Variants in ABCA4 observed in about 807,000 individuals in gnomAD.
ABCA4 encodes retinal-specific phospholipid-transporting ATPase ABCA4.
ABCA4 carries 196 observed loss-of-function variants against 263.7 expected under a neutral mutation model. The observed-to-expected ratio is 0.74, with a 90% CI of 0.66 to 0.84. ABCA4 has a LOEUF of 0.84. Ranked by LOEUF, ABCA4 falls within the 40% of genes least tolerant of loss-of-function variation. The probability of loss-of-function intolerance (pLI) is 0.00; values close to 1 mark genes in which losing one functional copy is unlikely to be tolerated. For missense variants in ABCA4, 2,792 were observed against 2,855.1 expected (o/e 0.98, Z 0.50); for synonymous variants, 1,133 against 1,094.2 (o/e 1.04, Z -0.70).
chr1:94,095,933 A>G (rs4147822), intron 6 of ABCA4, among the ~76,000 whole-genome samples: 78,759 of 151,434 alleles, frequency 0.52, 20,788 homozygotes, highest in South Asian at 0.7. Flanking sequence ...ACTGAGGCCG[A>G]CTACGGCAGA....
Position 94,015,829 on chromosome 1 carries a change from A to G in ABCA4, c.5222T>C (p.Leu1741Pro). The G allele has an allele frequency of 6.2e-7, 1 of 1,613,986 alleles. No individual in the cohort carries two copies. The highest frequency in any genetic ancestry group is 8.5e-7 in the Non-Finnish European group (1 of 1,179,958). Reference sequence around the variant, plus strand: ...AAACCCGATGAAGATGCCCACCACCAGCCCAGCACTCACGGAATAATTCAT... The same window carrying G: ...AAACCCGATGAAGATGCCCACCACCGGCCCAGCACTCACGGAATAATTCAT... ...DIMNYSVSAG[L>P]VVGIFIGFQK... Residue 1741 changes from leucine (L) to proline (P), a missense_variant, in exon 37 of 50, where the codon CTG (leucine) becomes CCG (proline). Coordinates refer to ENST00000370225, the MANE Select transcript of ABCA4 (RefSeq NM_000350.3).
rs757944764 is a variant in ABCA4, at chr1:94,083,451, A to G, written c.769-10T>C. The stretch of plus-strand genomic sequence containing the variant: ...CTAGGAGTGTGGGAAGCTGTAATTG[A>G]CAGTAAAACAATTTTTTAAATATAT... On this transcript the variant is annotated splice_polypyrimidine_tract_variant and intron_variant, in intron 6 of 49. Transcript: ENST00000370225. The G allele has an allele frequency of 1.3e-6, 2 of 1,599,324 alleles. No homozygotes were observed. The highest frequency in any genetic ancestry group is 2.2e-5 in the South Asian group (2 of 90,700).
At chr1:94,091,048 G>A (rs1401033202) in intron 6 of ABCA4, among the ~76,000 whole-genome samples, 1 of 152,194 alleles carries the variant, frequency 6.6e-6, no homozygotes, top group Non-Finnish European at 1.5e-5. Flanking sequence ...AGAAAGGAAC[G>A]TGAAGAGAGT....
At chr1:94,054,370 AAAGT>A (rs1272610939) in intron 16 of ABCA4, among the ~76,000 whole-genome samples, 1 of 152,222 alleles carries the variant, frequency 6.6e-6, no homozygotes, top group African/African-American at 2.4e-5. Flanking sequence ...TCCCCAAAAT[AAAGT>A]AGGGTAAGGG....
Position 94,046,962 on chromosome 1 carries a change from T to C in ABCA4, c.2875A>G (p.Thr959Ala), listed in dbSNP as rs368846708. The C allele has an allele frequency of 9.9e-6, 16 of 1,613,992 alleles. No individual in the cohort carries two copies. The highest frequency in any genetic ancestry group is 1.4e-5 in the Non-Finnish European group (16 of 1,180,018). The change falls in exon 19 of 50, where the codon ACC becomes GCC. Residue 959 changes from threonine to alanine, a missense_variant. Physicochemically the swap from Thr to Ala is moderately conservative, Grantham distance 58. Transcript: ENST00000370225. ...GCTCCATTGTGGCCCAGGAATGCGGTGATCTGGTTCTCGTAGAAGGTGATG... is the reference window on the plus strand; with the variant it reads ...GCTCCATTGTGGCCCAGGAATGCGGCGATCTGGTTCTCGTAGAAGGTGATG... ...LNITFYENQI[T>A]AFLGHNGAGK... is the part of the protein sequence containing the mutation.
intron 48 of ABCA4, 131 bp from the exon 49 acceptor site, chr1:93,996,326 C>T (rs1039601640): frequency 5.1e-5 from 39 of 763,538 alleles, no homozygotes; most frequent in East Asian, 1.9e-4. Context: ...GTGTCCTACC[C>T]GGGGGAGGCT....
At chr1:94,030,570 C>G (rs749349141) in intron 28 of ABCA4, 44 bp from the exon 29 acceptor site, 1 of 1,566,920 alleles carries the variant, frequency 6.4e-7, no homozygotes, top group Non-Finnish European at 8.8e-7. Flanking sequence ...CAGGCGCGTG[C>G]CAACATCATG....
At chr1:94,055,799 C>A (rs1314620349) in intron 15 of ABCA4, among the ~76,000 whole-genome samples, 1 of 152,232 alleles carries the variant, frequency 6.6e-6, no homozygotes, top group Non-Finnish European at 1.5e-5. Context: ...GATGCCCTGA[C>A]ACCTCTGGAG....
At chr1:94,114,606 C>T (rs767416423) in intron 1 of ABCA4, among the ~76,000 whole-genome samples, 3 of 152,144 alleles carry the variant, frequency 2.0e-5, no homozygotes, top group Non-Finnish European at 4.4e-5. Context: ...CCTGCCTCAG[C>T]CTCCTGAGTA....
intron 8 of ABCA4, 65 bp downstream of exon 8, chr1:94,080,413 A>T: frequency 1.2e-6 from 2 of 1,603,844 alleles, no homozygotes; most frequent in Non-Finnish European, 1.7e-6. Context: ...TTCACCTAGA[A>T]GTGTTAAACC....
At chr1:94,039,164 G>C (rs750389658) in intron 24 of ABCA4, among the ~76,000 whole-genome samples, 1 of 152,160 alleles carries the variant, frequency 6.6e-6, no homozygotes, top group Non-Finnish European at 1.5e-5. Context: ...ATCCTAAAAA[G>C]ATGTTTTCTG....
At position 94,113,044 on chromosome 1, in the gene ABCA4, A is replaced by C; in HGVS notation, c.89T>G (p.Val30Gly). Reference protein sequence around the residue: ...RQKIRFVVELVWPLSLFLVLI... With the variant: ...RQKIRFVVELGWPLSLFLVLI... ...GACCAGAAATAAAGATAAAGGCCAC[A>C]CGAGTTCCACCACAAAGCGAATCTG... Residue 30 changes from valine to glycine, a missense_variant, in exon 2 of 50, where the codon GTG (valine) becomes GGG (glycine). By Grantham distance (109) the Val-to-Gly change is moderately radical. Transcript: ENST00000370225. The C allele has an allele frequency of 6.2e-7, 1 of 1,614,170 alleles. No homozygotes were observed. Among genetic ancestry groups the C allele is most frequent in the Non-Finnish European group, 8.5e-7 (1 of 1,180,018 alleles).
At position 94,047,106 on chromosome 1, in the gene ABCA4, A is replaced by G. The variant is rs763466697; in HGVS notation, c.2744-13T>C. On this transcript the variant is annotated splice_polypyrimidine_tract_variant and intron_variant, in intron 18 of 49. Transcript: ENST00000370225. ...TCAAAGAAGGAGTCTTGGAGGAAAA[A>G]AAATGAACATGATGTAAACATAATG... 6.2e-6 allele frequency: 10 copies of G among 1,613,872 alleles called. No individual in the cohort carries two copies. The South Asian group carries it at 8.8e-5, about 14-fold the overall frequency.
intron 35 of ABCA4, among the ~76,000 whole-genome samples, 162 bp downstream of exon 35, chr1:94,021,078 G>A (rs1659882038): frequency 6.6e-6 from 1 of 152,252 alleles, no homozygotes; most frequent in African/African-American, 2.4e-5. Flanking sequence ...TCTGGTATGT[G>A]AAGTGTGAGG....
chr1:94,055,400 G>A (rs1660948642), intron 15 of ABCA4, 85 bp from the exon 16 acceptor site: 4 of 1,385,744 alleles, frequency 2.9e-6, no homozygotes, highest in Admixed American at 1.8e-5. Context: ...AGGTAGAGGG[G>A]AGGGCCAAAA....
At position 94,047,009 on chromosome 1, in the gene ABCA4, C is replaced by A. The variant is rs1801581; in HGVS notation, c.2828G>T (p.Arg943Leu). 1.7e-5 allele frequency: 27 copies of A among 1,613,956 alleles called. No individual in the cohort carries two copies. Among genetic ancestry groups the A allele is most frequent in the Admixed American group, 1.7e-5 (1 of 60,006 alleles). ...NLVKIFEPCG[R>L]PAVDRLNITF... The stretch of plus-strand genomic sequence containing the variant: ...GATGTTCAGACGGTCCACAGCTGGC[C>A]GGCCACAGGGCTCAAAAATCTTTAC... The change falls in exon 19 of 50, where the codon CGG becomes CTG. Residue 943 changes from arginine to leucine, a missense_variant. Transcript: ENST00000370225.
At chr1:94,069,115 G>A (rs976478765) in intron 11 of ABCA4, among the ~76,000 whole-genome samples, 5 of 152,316 alleles carry the variant, frequency 3.3e-5, no homozygotes, top group East Asian at 1.9e-4. Context: ...CCTCTCCAGC[G>A]CAGGCAGCTG....
intron 45 of ABCA4, 126 bp downstream of exon 45, chr1:94,001,732 G>C (rs1659189315): frequency 4.3e-6 from 6 of 1,391,148 alleles, no homozygotes; most frequent in Non-Finnish European, 6.0e-6. Context: ...GAGCAACACA[G>C]GAAACAGTCC....
rs368457541 is a variant in ABCA4, at chr1:94,056,629, C to T, written c.2354G>A (p.Arg785His). 4.4e-5 allele frequency: 71 copies of T among 1,613,376 alleles called. No individual in the cohort carries two copies. The highest frequency in any genetic ancestry group is 3.1e-4 in the African/African-American group (23 of 75,028). The stretch of plus-strand genomic sequence containing the variant: ...AGCCTTCTTCAGCTCAGCGGTCATG[C>T]GGTCCTGCCAGGCGAAGCACAGGAT... ...PHILCFAWQD[R>H]MTAELKKAVS... Residue 785 changes from arginine to histidine, a missense_variant, in exon 15 of 50, where the codon CGC becomes CAC. Coordinates refer to ENST00000370225, the MANE Select transcript of ABCA4 (RefSeq NM_000350.3).
Sources: gnomAD v4.1 joint callset for allele counts (sites outside exome capture counted in the v4.1 genomes callset) on GRCh38, gnomAD v4.1.1 for gene constraint, MANE v1.5 for transcripts, NCBI Gene and HGNC (gene_info 2026-07-23, HGNC 2026-07-21) for gene names.